Variants in P2RY8 observed in about 807,000 individuals in gnomAD.
P2RY8 encodes S-geranylgeranyl-glutathione receptor P2RY8.
In P2RY8, 6 loss-of-function variants were observed where a neutral mutation model predicts 10.0. That is an observed-to-expected ratio of 0.60 (90% CI 0.33 to 1.19). P2RY8 has a LOEUF of 1.19. Among genes scored for constraint, P2RY8 ranks in the 50% most tolerant of loss-of-function variants. P2RY8 has a pLI of 0.04. For missense variants in P2RY8, 456 were observed against 542.0 expected (o/e 0.84, Z 1.58); for synonymous variants, 276 against 252.5 (o/e 1.09, Z -0.88).
At chrX:1,510,156 A>G (rs1372643552) in intron 1 of P2RY8, among the ~76,000 whole-genome samples, 1 of 152,032 alleles carries the variant, frequency 6.6e-6, no homozygotes, top group African/African-American at 2.4e-5. Context: ...TTACCTATCT[A>G]TCTCAATAGC....
chrX:1,532,930 GAGA>G (rs2092490407), intron 1 of P2RY8, among the ~76,000 whole-genome samples: 1 of 148,162 alleles, frequency 6.7e-6, no homozygotes, highest in African/African-American at 2.5e-5. Context: ...TTGAATCCGG[GAGA>G]AGGAGGTTGC....
chrX:1,518,821 A>G (rs2092370314), intron 1 of P2RY8, among the ~76,000 whole-genome samples: 1 of 151,854 alleles, frequency 6.6e-6, no homozygotes, highest in Admixed American at 6.6e-5. Flanking sequence ...TAGTCCCCCA[A>G]ATCCTGCCTA....
intron 1 of P2RY8, among the ~76,000 whole-genome samples, chrX:1,514,709 C>T (rs1442757183): frequency 1.2e-4 from 1 of 8,422 alleles, no homozygotes; most frequent in Non-Finnish European, 3.0e-4. Context: ...CCTTCCTTCC[C>T]TTCCTTCCCT....
chrX:1,516,939 G>C (rs1347401075), intron 1 of P2RY8, among the ~76,000 whole-genome samples: 32 of 147,526 alleles, frequency 2.2e-4, no homozygotes, highest in Non-Finnish European at 4.3e-4. Context: ...TATAAGCCAC[G>C]CAGTCTATGG....
At chrX:1,525,616 C>T (rs2092434713) in intron 1 of P2RY8, among the ~76,000 whole-genome samples, 1 of 152,190 alleles carries the variant, frequency 6.6e-6, no homozygotes, top group Non-Finnish European at 1.5e-5. Context: ...TTGACTCAAT[C>T]ATGCATCCAT....
chrX:1,519,917 C>T (rs1270310706), intron 1 of P2RY8, among the ~76,000 whole-genome samples: 1 of 151,824 alleles, frequency 6.6e-6, no homozygotes, highest in African/African-American at 2.4e-5. Flanking sequence ...TCCCAATAGT[C>T]TCTCTGGTCC....
intron 1 of P2RY8, among the ~76,000 whole-genome samples, chrX:1,530,114 T>C (rs1397196320): frequency 5.2e-5 from 5 of 96,428 alleles, no homozygotes. Context: ...TGTATCTATG[T>C]ATCTATGCAT....
At chrX:1,512,202 G>C (rs1397671640) in intron 1 of P2RY8, among the ~76,000 whole-genome samples, 2 of 152,110 alleles carry the variant, frequency 1.3e-5, no homozygotes, top group Non-Finnish European at 2.9e-5. Context: ...AAGAGTCTGA[G>C]ATTAAGGTGC....
At chrX:1,514,534 TC>T (rs2092324416) in intron 1 of P2RY8, among the ~76,000 whole-genome samples, 1 of 3,132 alleles carries the variant, frequency 3.2e-4, no homozygotes. Flanking sequence ...TCCCTTCCCT[TC>T]CCTTCCTTTC....
intron 1 of P2RY8, among the ~76,000 whole-genome samples, chrX:1,509,781 C>CTATGT (rs1204139625): frequency 3.1e-5 from 3 of 96,222 alleles, no homozygotes; most frequent in African/African-American, 1.4e-4. Context: ...ATCTATCTAT[C>CTATGT]ATCTATGTAT....
chrX:1,491,759 C>G (rs1277840846), intron 1 of P2RY8, among the ~76,000 whole-genome samples: 1 of 152,032 alleles, frequency 6.6e-6, no homozygotes, highest in Admixed American at 6.5e-5. Context: ...GAATGCACAG[C>G]CAATGAGTGA....
intron 1 of P2RY8, among the ~76,000 whole-genome samples, chrX:1,521,854 G>A (rs1302134438): frequency 2.6e-5 from 4 of 151,332 alleles, no homozygotes; most frequent in African/African-American, 4.9e-5. Flanking sequence ...AGGGTCCCGC[G>A]AAGAGTGTTT....
intron 1 of P2RY8, among the ~76,000 whole-genome samples, chrX:1,502,747 T>C (rs1471470294): frequency 6.6e-6 from 1 of 152,168 alleles, no homozygotes. Context: ...TTAAATGCAA[T>C]GACAGGTGTC....
chrX:1,509,343 T>TCATCCATC (rs745416588), intron 1 of P2RY8, among the ~76,000 whole-genome samples: 71 of 140,060 alleles, frequency 5.1e-4, no homozygotes, highest in African/African-American at 1.8e-3. Context: ...TATCTATCCA[T>TCATCCATC]CATCCATCCA....
At chrX:1,492,046 T>C (rs2092057704) in intron 1 of P2RY8, among the ~76,000 whole-genome samples, 1 of 152,160 alleles carries the variant, frequency 6.6e-6, no homozygotes, top group South Asian at 2.1e-4. Flanking sequence ...GCTGCATCCA[T>C]GGAAACTGTG....
In P2RY8 at chrX:1,464,499, C is replaced by G. The variant is rs374108990; in HGVS notation, c.*980G>C. The G allele has an allele frequency of 4.3e-6, 1 of 233,390 alleles. No homozygotes were observed. The highest frequency in any genetic ancestry group is 1.8e-4 in the South Asian group (1 of 5,534). The allele number at this position is 233,390 out of a possible 1,614,324, so 14.5% of individuals were successfully genotyped here. A position where few individuals can be genotyped will look rare whatever the true frequency, so the allele number is the denominator to read the frequency against. On this transcript the variant is annotated 3_prime_UTR_variant, in exon 2 of 2. Transcript: ENST00000381297. The stretch of plus-strand genomic sequence containing the variant: ...CCAGATGGACTTGCCATGGCTGAGG[C>G]TCTCCATGGGGTAAAAGGACGCGGA...
At chrX:1,509,006 C>CCATCTGTCTATCCTGTATGTGTT (rs2092263904) in intron 1 of P2RY8, among the ~76,000 whole-genome samples, 579 of 129,486 alleles carry the variant, frequency 4.5e-3, no homozygotes, top group Middle Eastern at 8.6e-3. Context: ...ATGTGTTCAT[C>CCATCTGTCTATCCTGTATGTGTT]CATCCATCCA....
Position 1,529,590 on chromosome X carries a change from C to T in P2RY8, c.-25+7331G>A, listed in dbSNP as rs766232914. Among the ~76,000 whole-genome samples the T allele has an allele frequency of 4.6e-5, 7 of 152,168 alleles. No individual in the cohort carries two copies. The East Asian group carries it at 1.4e-3, about 29-fold the overall frequency. On this transcript the variant is annotated intron_variant, in intron 1 of 1. Coordinates refer to ENST00000381297, the MANE Select transcript of P2RY8 (RefSeq NM_178129.5). ...GATAGGCTCAACACAGAGAATCCTC[C>T]AGCCCTACATGGCAGCAGTGCTGAG...
chrX:1,536,286 G>C (rs1345321572), intron 1 of P2RY8, among the ~76,000 whole-genome samples: 2 of 150,724 alleles, frequency 1.3e-5, no homozygotes, highest in African/African-American at 4.9e-5. Flanking sequence ...TTTCTAAACA[G>C]AGTCTCGCTC....
Sources: gnomAD v4.1 joint callset for allele counts (sites outside exome capture counted in the v4.1 genomes callset) on GRCh38, gnomAD v4.1.1 for gene constraint, MANE v1.5 for transcripts, NCBI Gene and HGNC (gene_info 2026-07-23, HGNC 2026-07-21) for gene names.